Variants in BEGAIN observed in about 807,000 individuals in gnomAD.
BEGAIN encodes the protein brain enriched guanylate kinase associated.
A neutral mutation model predicts 35.8 loss-of-function variants in BEGAIN; 19 were observed. That is an observed-to-expected ratio of 0.53 (90% CI 0.37 to 0.78). BEGAIN has a LOEUF of 0.78. BEGAIN is among the 30% of genes least tolerant of loss of function. BEGAIN has a pLI of 0.00. For synonymous variants in BEGAIN, 462 were observed against 388.6 expected, an observed-to-expected ratio of 1.19 and a Z score of -2.22; for missense variants, 795 against 853.6, an observed-to-expected ratio of 0.93 and a Z score of 0.85.
At chr14:100,542,672 C>G (rs2031800337) in intron 5 of BEGAIN, among the ~76,000 whole-genome samples, 1 of 152,248 alleles carries the variant, frequency 6.6e-6, no homozygotes, top group Non-Finnish European at 1.5e-5. Context: ...CTTGGTTAGT[C>G]CTGTTGATTC....
chr14:100,550,275 T>G (rs1359456697), intron 2 of BEGAIN: 8 of 395,378 alleles, frequency 2.0e-5, no homozygotes, highest in Non-Finnish European at 3.6e-5. Context: ...CTGAGGGCTG[T>G]GAGGCTGTGC....
Position 100,544,089 on chromosome 14 carries a change from AG to A in BEGAIN, c.301-125del, listed in dbSNP as rs529056227. 3.5e-4 allele frequency: 236 copies of A among 674,494 alleles called. 1 individual carries two copies. The highest frequency in any genetic ancestry group is 2.1e-3 in the Admixed American group (90 of 42,212). The allele number at this position is 674,494 out of a possible 1,614,324, so 41.8% of individuals were successfully genotyped here. A position where few individuals can be genotyped will look rare whatever the true frequency, so the allele number is the denominator to read the frequency against. On this transcript the variant is annotated intron_variant, in intron 4 of 6. Coordinates refer to ENST00000554140, the MANE Select transcript of BEGAIN (RefSeq NM_001385089.1). ...GAGTGACAAGACACTTAGAGGGCCA[AG>A]GGTGTGGGGTTTATGAGCACAGACA... is the stretch of plus-strand genomic sequence containing the variant.
intron 1 of BEGAIN, among the ~76,000 whole-genome samples, chr14:100,585,194 CCCATCCATCCATCCATCCATCCATCCAT>C (rs141222958): frequency 9.7e-6 from 1 of 103,046 alleles, no homozygotes; most frequent in African/African-American, 4.4e-5. Flanking sequence ...GTCAATCCCT[CCCATCCATCCATCCATCCATCCATCCAT>C]CCATCCATCC....
At chr14:100,541,773 CT>C in intron 5 of BEGAIN, among the ~76,000 whole-genome samples, 1 of 152,220 alleles carries the variant, frequency 6.6e-6, no homozygotes, top group Non-Finnish European at 1.5e-5. Flanking sequence ...ACCCAAGCCC[CT>C]GGGCTGTCCA....
In BEGAIN at chr14:100,568,507, A is replaced by T; in HGVS notation, c.43-568T>A. On this transcript the variant is annotated intron_variant, in intron 1 of 6. Coordinates refer to ENST00000554140, the MANE Select transcript of BEGAIN (RefSeq NM_001385089.1). This position sits in a 1 kb window ranked among gnomAD's most constrained non-coding sequence, Gnocchi z 7.5. ...TCAATCAGGGACCCGCTGCCCTCAGATTCTGGGGTTTTGGGCCTGGCTTGC... is the reference window on the plus strand; with the variant it reads ...TCAATCAGGGACCCGCTGCCCTCAGTTTCTGGGGTTTTGGGCCTGGCTTGC... 3 of 1,286,812 alleles carry T rather than the reference A, an allele frequency of 2.3e-6. No individual in the cohort carries two copies. Among genetic ancestry groups the T allele is most frequent in the Non-Finnish European group, 3.0e-6 (3 of 987,506 alleles). The allele number at this position is 1,286,812 out of a possible 1,614,324, so 79.7% of individuals were successfully genotyped here.
chr14:100,581,331 C>T (rs1366684371), intron 1 of BEGAIN, among the ~76,000 whole-genome samples: 4 of 152,200 alleles, frequency 2.6e-5, no homozygotes, highest in Non-Finnish European at 1.5e-5. Flanking sequence ...GGCAAGTTTC[C>T]GTTGTCATAA....
In BEGAIN at chr14:100,568,495, C is replaced by G; in HGVS notation, c.43-556G>C. ...AGCCTCGACTCCTCAATCAGGGACC[C>G]GCTGCCCTCAGATTCTGGGGTTTTG... is the stretch of plus-strand genomic sequence containing the variant. On this transcript the variant is annotated intron_variant, in intron 1 of 6. Coordinates refer to ENST00000554140, the MANE Select transcript of BEGAIN (RefSeq NM_001385089.1). This position sits in a 1 kb window ranked among gnomAD's most constrained non-coding sequence, Gnocchi z 7.5. The G allele has an allele frequency of 7.8e-7, 1 of 1,287,144 alleles. No homozygotes were observed. The highest frequency in any genetic ancestry group is 1.0e-6 in the Non-Finnish European group (1 of 987,614). The allele number at this position is 1,287,144 out of a possible 1,614,324, so 79.7% of individuals were successfully genotyped here.
chr14:100,543,662 A>C (rs1158716144), intron 5 of BEGAIN, among the ~76,000 whole-genome samples, 196 bp downstream of exon 5: 1 of 152,002 alleles, frequency 6.6e-6, no homozygotes, highest in Non-Finnish European at 1.5e-5. Context: ...TCTTTCCCCA[A>C]CTGCAGCAGG....
At chr14:100,553,202 T>G (rs1318682345) in intron 2 of BEGAIN, among the ~76,000 whole-genome samples, 1 of 152,102 alleles carries the variant, frequency 6.6e-6, no homozygotes, top group Non-Finnish European at 1.5e-5. Flanking sequence ...ATGCTCAGGA[T>G]GCACCAGGCA....
Position 100,539,155 on chromosome 14 carries a change from A to G in BEGAIN, c.653T>C (p.Leu218Pro), listed in dbSNP as rs1203467344. The G allele has an allele frequency of 6.3e-7, 1 of 1,596,464 alleles. No individual in the cohort carries two copies. The highest frequency in any genetic ancestry group is 1.1e-5 in the South Asian group (1 of 89,562). ...KPDPASLSSR[L>P]SDASARDLAF... ...CAGGTCGCGGGCGGAGGCATCGGAC[A>G]GGCGGGAGGACAGGCTGGCGGGGTC... Residue 218 changes from leucine to proline, a missense_variant, in exon 7 of 7, where the codon CTG becomes CCG. Coordinates refer to ENST00000554140, the MANE Select transcript of BEGAIN (RefSeq NM_001385089.1).
intron 1 of BEGAIN, among the ~76,000 whole-genome samples, chr14:100,580,843 T>C (rs971767207): frequency 1.3e-5 from 2 of 152,178 alleles, no homozygotes; most frequent in African/African-American, 4.8e-5. Flanking sequence ...AGGTTCAGGC[T>C]GTCAGTTCAC....
At chr14:100,583,979 G>T (rs542593625) in intron 1 of BEGAIN, among the ~76,000 whole-genome samples, 1 of 152,158 alleles carries the variant, frequency 6.6e-6, no homozygotes, top group African/African-American at 2.4e-5. Context: ...GATTACAGGC[G>T]TGAGCCGCTG....
rs1478258984 is a variant in BEGAIN at position 100,539,158 on chromosome 14, C to A, written c.650G>T (p.Arg217Leu). 1.3e-6 allele frequency: 2 copies of A among 1,595,858 alleles called. No homozygotes were observed. The highest frequency in any genetic ancestry group is 1.7e-6 in the Non-Finnish European group (2 of 1,168,876). The change falls in exon 7 of 7, where the codon CGC becomes CTC. Residue 217 changes from arginine (R) to leucine (L), a missense_variant. Arg to Leu is a moderately radical substitution (Grantham distance 102). Around this residue, in one of 3 missense-constraint regions of BEGAIN, gnomAD observed 664 missense variants for 647.7 expected, o/e 1.03. Coordinates refer to ENST00000554140, the MANE Select transcript of BEGAIN (RefSeq NM_001385089.1). ...EKPDPASLSS[R>L]LSDASARDLA... ...GTCGCGGGCGGAGGCATCGGACAGG[C>A]GGGAGGACAGGCTGGCGGGGTCCGG...
chr14:100,577,042 A>G (rs968955058), intron 1 of BEGAIN, among the ~76,000 whole-genome samples: 82 of 152,350 alleles, frequency 5.4e-4, no homozygotes, highest in African/African-American at 1.9e-3. Context: ...GGAAAGCCCA[A>G]GGTAAACCAC....
At chr14:100,585,286 C>T (rs1320201296) in intron 1 of BEGAIN, among the ~76,000 whole-genome samples, 1 of 107,592 alleles carries the variant, frequency 9.3e-6, no homozygotes, top group Non-Finnish European at 1.9e-5. Context: ...TCCATCCATC[C>T]CTCCCATCCC....
chr14:100,552,570 G>A (rs1036417913), intron 2 of BEGAIN, among the ~76,000 whole-genome samples: 10 of 152,344 alleles, frequency 6.6e-5, no homozygotes, highest in Middle Eastern at 3.4e-3. Flanking sequence ...GGTGGGCAGG[G>A]GCATGTTGCT....
Position 100,537,606 on chromosome 14 carries a change from G to A in BEGAIN, c.*363C>T, listed in dbSNP as rs1006548849. 4.6e-6 allele frequency: 1 copy of A among 217,094 alleles called. No homozygotes were observed. Among genetic ancestry groups the A allele is most frequent in the Non-Finnish European group, 9.1e-6 (1 of 110,094 alleles). The allele number at this position is 217,094 out of a possible 1,614,324, so 13.4% of individuals were successfully genotyped here. A position where few individuals can be genotyped will look rare whatever the true frequency, so the allele number is the denominator to read the frequency against. ...CGCCCAAAAAATAAAGGAGCTTTGTGTTGAAAACGCCAAGGCAGCCGTCCA... is the reference window on the plus strand; with the variant it reads ...CGCCCAAAAAATAAAGGAGCTTTGTATTGAAAACGCCAAGGCAGCCGTCCA... On this transcript the variant is annotated 3_prime_UTR_variant, in exon 7 of 7. Coordinates refer to ENST00000554140, the MANE Select transcript of BEGAIN (RefSeq NM_001385089.1).
chr14:100,559,202 G>T (rs781572311), intron 2 of BEGAIN, among the ~76,000 whole-genome samples: 1 of 152,118 alleles, frequency 6.6e-6, no homozygotes, highest in Non-Finnish European at 1.5e-5. Context: ...GGAGCTGCGC[G>T]GTGGGCCCAG....
rs145999874 is a variant in BEGAIN at position 100,537,541 on chromosome 14, TCCTTC to T, written c.*423_*427del. ...AGAGTCTGGTCTCCACAGGACACCG[TCCTTC>T]CCTTCCCTTCCAAGGGGCAGGCCCC... On this transcript the variant is annotated 3_prime_UTR_variant, in exon 7 of 7. Coordinates refer to ENST00000554140, the MANE Select transcript of BEGAIN (RefSeq NM_001385089.1). 3.0e-5 allele frequency: 5 copies of T among 166,964 alleles called. No homozygotes were observed. Among genetic ancestry groups the T allele is most frequent in the Admixed American group, 6.0e-5 (1 of 16,546 alleles). 10.3% of individuals were successfully genotyped at this position (166,964 alleles called of 1,614,324 possible). A position where few individuals can be genotyped will look rare whatever the true frequency, so the allele number is the denominator to read the frequency against.
Sources: allele counts gnomAD v4.1 joint callset (sites outside exome capture counted in the v4.1 genomes callset), GRCh38; gene constraint gnomAD v4.1.1; regional missense constraint gnomAD v4.1.1; non-coding constraint Gnocchi (gnomAD v3.1); transcripts MANE v1.5; gene names NCBI Gene and HGNC (gene_info 2026-07-23, HGNC 2026-07-21).